Variants in FBP2 observed in about 807,000 individuals in gnomAD.
FBP2 encodes fructose-bisphosphatase 2.
Under a neutral mutation model 31.6 loss-of-function variants are expected in FBP2, and 27 were observed. The ratio of observed to expected loss-of-function variants is 0.85; its 90% CI spans 0.63 to 1.18. The LOEUF (loss-of-function observed/expected upper bound fraction) is 1.18. Ranked by LOEUF, FBP2 falls within the 50% of genes most tolerant of loss-of-function variation. FBP2 has a pLI of 0.00. For synonymous variants in FBP2, 168 were observed against 179.8 expected, an observed-to-expected ratio of 0.93 and a Z score of 0.53; for missense variants, 421 against 436.1, an observed-to-expected ratio of 0.97 and a Z score of 0.31.
chr9:94,587,265 C>G lies in FBP2; in HGVS notation c.333+42G>C, dbSNP rs1031514971. Reference sequence around the variant, plus strand: ...AGGCAGCTTATTTCCGGCTCAGTATCATCATCTACTGGCGAGCGGGCACCG... The same window carrying G: ...AGGCAGCTTATTTCCGGCTCAGTATGATCATCTACTGGCGAGCGGGCACCG... On this transcript the variant is annotated intron_variant, in intron 2 of 6. Coordinates refer to ENST00000375337, the MANE Select transcript of FBP2 (RefSeq NM_003837.4). 4 of 1,552,698 alleles carry G rather than the reference C, an allele frequency of 2.6e-6. No individual in the cohort carries two copies. In the African/African-American group the frequency reaches 5.6e-5, roughly 22 times the overall value.
intron 3 of FBP2, among the ~76,000 whole-genome samples, chr9:94,573,626 CACTG>C (rs1366423727): frequency 6.6e-6 from 1 of 152,164 alleles, no homozygotes; most frequent in Non-Finnish European, 1.5e-5. Flanking sequence ...TGGTGGATTA[CACTG>C]ACTGATTATG....
intron 4 of FBP2, 115 bp downstream of exon 4, chr9:94,571,347 C>T (rs1409335758): frequency 3.2e-5 from 37 of 1,150,964 alleles, no homozygotes; most frequent in Non-Finnish European, 4.1e-5. Context: ...CTCAGGACCC[C>T]TGGTCCCCAA....
intron 4 of FBP2, among the ~76,000 whole-genome samples, chr9:94,571,177 G>A (rs751164705): frequency 6.6e-6 from 1 of 152,160 alleles, no homozygotes; most frequent in Non-Finnish European, 1.5e-5. Flanking sequence ...ATTCTCATAA[G>A]CCAAAGAGAT....
Position 94,571,555 on chromosome 9 carries a change from G to A in FBP2, c.474C>T (p.Arg158=). The part of the protein sequence containing the change: ...PSEKDALQCG[R]NIVAAGYALY... ...GCGCATAACCTGCGGCCACAATATT[G>A]CGGCCACACTGCAGGGCATCCTTTT... is the stretch of plus-strand genomic sequence containing the variant. The change falls in exon 4 of 7, where the codon CGC becomes CGT. Residue 158 remains arginine, a synonymous_variant. Coordinates refer to ENST00000375337, the MANE Select transcript of FBP2 (RefSeq NM_003837.4). 6.2e-7 allele frequency: 1 copy of A among 1,613,992 alleles called. No individual in the cohort carries two copies.
chr9:94,559,074 A>C lies in FBP2; in HGVS notation c.884T>G (p.Leu295Trp), dbSNP rs1827053936. 1 of 1,613,980 alleles carries C rather than the reference A, an allele frequency of 6.2e-7. No individual in the cohort carries two copies. ...VAYIIEQAGG[L>W]ATTGTQPVLD... ...TACAGGCTGGGTCCCCGTGGTCGCC[A>C]AGCCTCCTGCCTGCTCAATGATGTA... Residue 295 changes from leucine to tryptophan, a missense_variant, in exon 7 of 7, where the codon TTG (leucine) becomes TGG (tryptophan). Leu to Trp is a moderately conservative substitution (Grantham distance 61). Transcript: ENST00000375337.
rs766630515 is a variant in FBP2, at chr9:94,593,681, G to A, written c.46C>T (p.Arg16Cys). 99 of 1,614,106 alleles carry A rather than the reference G, an allele frequency of 6.1e-5. No homozygotes were observed. Among genetic ancestry groups the A allele is most frequent in the Admixed American group, 2.3e-4 (14 of 60,012 alleles). Residue 16 changes from arginine (R) to cysteine (C), a missense_variant, in exon 1 of 7, where the codon CGC becomes TGC. Transcript: ENST00000375337. The stretch of plus-strand genomic sequence containing the variant: ...TGACGCCCCTTTTCCATAACGTAGC[G>A]GGTCAGGGTGAGCATGTCGGTTTCG... ...PFETDMLTLT[R>C]YVMEKGRQAK...
intron 1 of FBP2, among the ~76,000 whole-genome samples, chr9:94,587,684 C>T (rs1258334114): frequency 6.6e-6 from 1 of 152,092 alleles, no homozygotes; most frequent in Non-Finnish European, 1.5e-5. Context: ...TTTTCTTAGC[C>T]TTCCAATGAG....
intron 3 of FBP2, among the ~76,000 whole-genome samples, chr9:94,575,428 T>C (rs1827306714): frequency 6.6e-6 from 1 of 152,222 alleles, no homozygotes; most frequent in Non-Finnish European, 1.5e-5. Flanking sequence ...TTTATTTCTT[T>C]GCAATTTTAC....
intron 1 of FBP2, 93 bp from the exon 2 acceptor site, chr9:94,587,562 C>G: frequency 9.1e-7 from 1 of 1,101,016 alleles, no homozygotes; most frequent in Non-Finnish European, 1.4e-6. Flanking sequence ...GTGCAGTCCC[C>G]TCTCGTTCTG....
chr9:94,583,891 G>A (rs1485147792), intron 3 of FBP2, among the ~76,000 whole-genome samples: 1 of 152,228 alleles, frequency 6.6e-6, no homozygotes, highest in East Asian at 1.9e-4. Context: ...ACAGGCGTGA[G>A]CCACCGCAGC....
At chr9:94,562,731 GATC>G (rs1827127543) in intron 6 of FBP2, among the ~76,000 whole-genome samples, 1 of 152,118 alleles carries the variant, frequency 6.6e-6, no homozygotes, top group Admixed American at 6.5e-5. Flanking sequence ...AAGATAGCTG[GATC>G]ATAAGGTTCT....
rs372793185 is a variant in FBP2 at position 94,591,083 on chromosome 9, T to C, written c.170+2474A>G. ...ACTCAGGAGCCCAGCTGGCTTCACC[T>C]AGTGGATCCCGCACCGGGGCTGCAG... On this transcript the variant is annotated intron_variant, in intron 1 of 6. Coordinates refer to ENST00000375337, the MANE Select transcript of FBP2 (RefSeq NM_003837.4). 2.2e-3 allele frequency among the ~76,000 whole-genome samples: 332 copies of C among 152,344 alleles called. 1 individual carries two copies. The highest frequency in any genetic ancestry group is 7.2e-3 in the African/African-American group (301 of 41,594).
chr9:94,580,053 G>T (rs968461358), intron 3 of FBP2, among the ~76,000 whole-genome samples: 2 of 152,186 alleles, frequency 1.3e-5, no homozygotes, highest in Non-Finnish European at 1.5e-5. Flanking sequence ...TTCCCCTAAA[G>T]AGAAGCAGCT....
rs1380700200 is a variant in FBP2, at chr9:94,569,618, T to C, written c.567+1844A>G. The C allele has an allele frequency of 2.0e-5, 3 of 152,384 alleles. No homozygotes were observed. The East Asian group carries it at 5.8e-4, about 29-fold the overall frequency. The allele number at this position is 152,384 out of a possible 1,614,324, so 9.4% of individuals were successfully genotyped here. A position where few individuals can be genotyped will look rare whatever the true frequency, so the allele number is the denominator to read the frequency against. The stretch of plus-strand genomic sequence containing the variant: ...TGGAAAATGTGTTCCTTTGTTCTGA[T>C]TGTGTGGTCACCAACAACGGCTGAT... On this transcript the variant is annotated intron_variant, in intron 4 of 6. Coordinates refer to ENST00000375337, the MANE Select transcript of FBP2 (RefSeq NM_003837.4).
At chr9:94,562,566 AATTCAAATC>A (rs1332502801) in intron 6 of FBP2, among the ~76,000 whole-genome samples, 1 of 152,200 alleles carries the variant, frequency 6.6e-6, no homozygotes, top group Non-Finnish European at 1.5e-5. Context: ...GCATTCGAAT[AATTCAAATC>A]TCAAGGTGAC....
chr9:94,585,379 T>TC (rs1359944239), intron 2 of FBP2, among the ~76,000 whole-genome samples: 1 of 152,170 alleles, frequency 6.6e-6, no homozygotes, highest in African/African-American at 2.4e-5. Context: ...GGGGTTTGTT[T>TC]CCGGGGGGTC....
chr9:94,558,887 C>A lies in FBP2; in HGVS notation c.*51G>T. On this transcript the variant is annotated 3_prime_UTR_variant, in exon 7 of 7. Transcript: ENST00000375337. The stretch of plus-strand genomic sequence containing the variant: ...TCTCTGTTTATCGTTCATTTAGGGT[C>A]CTTAGACAAGGTGCAAGACAAACAG... The A allele has an allele frequency of 6.5e-7, 1 of 1,543,570 alleles. No individual in the cohort carries two copies.
chr9:94,562,309 C>CA (rs397893359), intron 6 of FBP2, among the ~76,000 whole-genome samples: 463 of 71,772 alleles, frequency 6.5e-3, no homozygotes, highest in East Asian at 0.029. Flanking sequence ...GACTCCATCT[C>CA]AAAAAAAAAA....
At chr9:94,573,127 G>A (rs909810770) in intron 3 of FBP2, 5 of 152,192 alleles carry the variant, frequency 3.3e-5, no homozygotes, top group Non-Finnish European at 7.3e-5. Flanking sequence ...TAACAGTGGC[G>A]AGTGAGGACA....
Sources: allele counts gnomAD v4.1 joint callset (sites outside exome capture counted in the v4.1 genomes callset), GRCh38; gene constraint gnomAD v4.1.1; transcripts MANE v1.5; gene names NCBI Gene and HGNC (gene_info 2026-07-23, HGNC 2026-07-21).